COL19A1: variants seen among roughly 807,000 people sequenced by gnomAD.
COL19A1 encodes collagen type XIX alpha 1 chain.
Under a neutral mutation model 190.2 loss-of-function variants are expected in COL19A1, and 159 were observed. The observed-to-expected ratio is 0.84, with a 90% confidence interval of 0.73 to 0.95. The LOEUF is 0.95. Among genes scored for constraint, COL19A1 ranks in the 40% least tolerant of loss-of-function variants. The probability of loss-of-function intolerance (pLI) is 0.00; values close to 1 mark genes in which losing one functional copy is unlikely to be tolerated. For synonymous variants in COL19A1, 509 were observed against 458.9 expected, an observed-to-expected ratio of 1.11 and a Z score of -1.39; for missense variants, 1,418 against 1,431.9, an observed-to-expected ratio of 0.99 and a Z score of 0.16.
chr6:69,965,121 A>C (rs1162914221), intron 11 of COL19A1, among the ~76,000 whole-genome samples: 1 of 152,216 alleles, frequency 6.6e-6, no homozygotes, highest in Non-Finnish European at 1.5e-5. Context: ...TCTACCTTGG[A>C]CTTTAATTTT....
At chr6:70,152,297 C>T (rs574890150) in intron 31 of COL19A1, among the ~76,000 whole-genome samples, 74 of 152,158 alleles carry the variant, frequency 4.9e-4, no homozygotes, top group African/African-American at 1.8e-3. Context: ...GTATTTCTAG[C>T]ATTTAGCCCA....
chr6:70,098,276 T>C (rs1323308377), intron 15 of COL19A1: 7 of 300,618 alleles, frequency 2.3e-5, no homozygotes, highest in Non-Finnish European at 4.7e-5. Flanking sequence ...ATTAATAAAA[T>C]ACTCCCCCAA....
chr6:70,093,901 T>TA, intron 15 of COL19A1, among the ~76,000 whole-genome samples: 1 of 152,196 alleles, frequency 6.6e-6, no homozygotes, highest in East Asian at 1.9e-4. Context: ...GAGAGATGAG[T>TA]AAATACTGGA....
At chr6:69,960,665 T>C (rs1186554276) in intron 10 of COL19A1, among the ~76,000 whole-genome samples, 2 of 148,158 alleles carry the variant, frequency 1.3e-5, no homozygotes, top group Non-Finnish European at 3.0e-5. Context: ...AGTCTCGCTC[T>C]GTCTCCCAGG....
chr6:69,996,165 A>G (rs1270454738), intron 11 of COL19A1, among the ~76,000 whole-genome samples: 1 of 152,154 alleles, frequency 6.6e-6, no homozygotes, highest in Non-Finnish European at 1.5e-5. Context: ...TTATCTCAGT[A>G]TTGACACAAT....
At chr6:70,068,336 C>T (rs1470100910) in intron 14 of COL19A1, 87 bp from the exon 15 acceptor site, 2 of 927,212 alleles carry the variant, frequency 2.2e-6, no homozygotes, top group East Asian at 2.4e-5. Flanking sequence ...TTTTAATCAA[C>T]AAAATAATTA....
chr6:70,123,257 G>A (rs943602365), intron 17 of COL19A1, among the ~76,000 whole-genome samples: 12 of 152,054 alleles, frequency 7.9e-5, no homozygotes, highest in African/African-American at 2.7e-4. Flanking sequence ...ACCACAGTGA[G>A]ATACCATCTC....
chr6:69,919,551 A>T (rs560585981), intron 4 of COL19A1, among the ~76,000 whole-genome samples: 2 of 152,118 alleles, frequency 1.3e-5, no homozygotes, highest in Non-Finnish European at 2.9e-5. Context: ...TAATGGTTTT[A>T]AGTAAATTTT....
intron 6 of COL19A1, among the ~76,000 whole-genome samples, chr6:69,930,408 A>G (rs1772681723): frequency 6.6e-6 from 1 of 152,308 alleles, no homozygotes; most frequent in Non-Finnish European, 1.5e-5. Context: ...TTATGTATAA[A>G]CAGTTTATAG....
intron 14 of COL19A1, among the ~76,000 whole-genome samples, chr6:70,067,562 A>G (rs1781316011): frequency 1.3e-5 from 2 of 152,062 alleles, no homozygotes; most frequent in South Asian, 4.1e-4. Context: ...CGTGGGTCTG[A>G]ATGCAGCTCA....
chr6:69,898,044 T>A (rs933778143), intron 2 of COL19A1, among the ~76,000 whole-genome samples: 7 of 152,046 alleles, frequency 4.6e-5, no homozygotes, highest in Admixed American at 1.3e-4. Context: ...CAATTTGGTT[T>A]TAAGTAGTTT....
intron 16 of COL19A1, among the ~76,000 whole-genome samples, chr6:70,115,458 G>A (rs1206529366): frequency 1.3e-5 from 2 of 152,098 alleles, no homozygotes; most frequent in East Asian, 3.8e-4. Context: ...GAATTATCCA[G>A]AGCTGTGAAA....
intron 41 of COL19A1, among the ~76,000 whole-genome samples, chr6:70,174,066 A>C (rs567121829): frequency 1.6e-4 from 25 of 152,252 alleles, no homozygotes; most frequent in African/African-American, 5.8e-4. Context: ...GGGAAGATGT[A>C]TTGGATGGAG....
intron 14 of COL19A1, among the ~76,000 whole-genome samples, chr6:70,056,357 G>A (rs1220624298): frequency 1.3e-5 from 2 of 152,150 alleles, no homozygotes; most frequent in Non-Finnish European, 2.9e-5. Flanking sequence ...TTGCTGCTGA[G>A]AAGTCTAATG....
At chr6:70,029,025 C>G (rs1778881783) in intron 12 of COL19A1, among the ~76,000 whole-genome samples, 1 of 151,996 alleles carries the variant, frequency 6.6e-6, no homozygotes, top group African/African-American at 2.4e-5. Flanking sequence ...TTAAGTATCC[C>G]TTATTAGAAT....
At chr6:70,198,677 A>G (rs1206156519) in intron 48 of COL19A1, among the ~76,000 whole-genome samples, 1 of 152,224 alleles carries the variant, frequency 6.6e-6, no homozygotes, top group African/African-American at 2.4e-5. Flanking sequence ...AATATTCGAT[A>G]TGCTTTTTTT....
intron 11 of COL19A1, among the ~76,000 whole-genome samples, chr6:69,977,456 A>G (rs1239310529): frequency 6.6e-6 from 1 of 151,624 alleles, no homozygotes; most frequent in East Asian, 1.9e-4. Context: ...GCATTAGGAG[A>G]TATACCTGAT....
intron 15 of COL19A1, among the ~76,000 whole-genome samples, chr6:70,074,866 C>T (rs1166483295): frequency 6.6e-6 from 1 of 152,138 alleles, no homozygotes; most frequent in East Asian, 1.9e-4. Flanking sequence ...TGACTGGTGT[C>T]CTTCCACCAG....
intron 42 of COL19A1, among the ~76,000 whole-genome samples, chr6:70,177,622 T>C (rs1398759269): frequency 1.3e-5 from 2 of 152,236 alleles, no homozygotes; most frequent in Admixed American, 1.3e-4. Context: ...TCTTCCAAAT[T>C]TTTTATAAAA....
Sources: gnomAD v4.1 joint callset for allele counts (sites outside exome capture counted in the v4.1 genomes callset) on GRCh38, gnomAD v4.1.1 for gene constraint, MANE v1.5 for transcripts, NCBI Gene and HGNC (gene_info 2026-07-23, HGNC 2026-07-21) for gene names.